CDH9: variants seen among roughly 807,000 people sequenced by gnomAD.
CDH9 encodes the protein cadherin 9, also known as cadherin-9.
In CDH9, 28 loss-of-function variants were observed where a neutral mutation model predicts 70.9. The ratio of observed to expected loss-of-function variants is 0.40; its 90% CI spans 0.29 to 0.54. The LOEUF (loss-of-function observed/expected upper bound fraction) is 0.54. Ranked by LOEUF, CDH9 falls within the 20% of genes least tolerant of loss-of-function variation. The pLI, the probability that CDH9 is intolerant of heterozygous loss-of-function variation, is 0.59. For missense variants in CDH9, 874 were observed against 984.4 expected (o/e 0.89, Z 1.50); for synonymous variants, 409 against 343.1 (o/e 1.19, Z -2.12).
chr5:26,994,445 G>A (rs974489022), intron 1 of CDH9, among the ~76,000 whole-genome samples: 7 of 152,144 alleles, frequency 4.6e-5, no homozygotes, highest in Non-Finnish European at 2.9e-5. Flanking sequence ...TAGATCATGA[G>A]AGTGGAGTCT....
intron 1 of CDH9, among the ~76,000 whole-genome samples, chr5:26,998,581 G>C (rs1162690112): frequency 1.3e-5 from 2 of 152,072 alleles, no homozygotes; most frequent in Admixed American, 1.3e-4. Flanking sequence ...GGTCTGTTGT[G>C]GGGTGGGGAG....
At chr5:26,915,494 A>G in intron 3 of CDH9, 136 bp downstream of exon 3, 1 of 569,420 alleles carries the variant, frequency 1.8e-6, no homozygotes, top group East Asian at 2.8e-5. Context: ...TAGAAGAGCT[A>G]GTTTAAGCTA....
chr5:26,925,936 G>A (rs1452535956), intron 2 of CDH9, among the ~76,000 whole-genome samples: 2 of 151,978 alleles, frequency 1.3e-5, no homozygotes, highest in African/African-American at 4.8e-5. Context: ...TTGATGGAAC[G>A]TATCTCAAAA....
intron 2 of CDH9, among the ~76,000 whole-genome samples, chr5:26,980,375 C>T (rs1294395435): frequency 1.3e-5 from 2 of 151,800 alleles, no homozygotes; most frequent in South Asian, 2.1e-4. Flanking sequence ...GAAATTCTGG[C>T]TACGAATTAG....
In CDH9 at chr5:26,902,579, T is replaced by G. The variant is rs760457024; in HGVS notation, c.1150A>C (p.Thr384Pro). The change falls in exon 7 of 12, where the codon ACT (threonine) becomes CCT (proline). Residue 384 changes from threonine (T) to proline (P), a missense_variant. Coordinates refer to ENST00000231021, the MANE Select transcript of CDH9 (RefSeq NM_016279.4). ...ACTTCTATCAAGTAAGAGACTTTAG[T>G]GAACACAGGAGGCTCATCTATATCT... ...VEDIDEPPVF[T>P]KVSYLIEVDE... 1 of 1,599,338 alleles carries G rather than the reference T, an allele frequency of 6.3e-7. No individual in the cohort carries two copies. The highest frequency in any genetic ancestry group is 8.6e-7 in the Non-Finnish European group (1 of 1,166,904).
In CDH9 at chr5:26,906,759, TA is replaced by T; in HGVS notation, c.602del (p.Ile201AsnfsTer16). ...CTGAAAAATATGGCTGTCCTTGCAA[TA>T]TGCTATAGACCACTTTGGCACTATT... is the stretch of plus-strand genomic sequence containing the variant. ...YGNSAKVVYS[I>X]LQGQPYFSVD... On this transcript the variant is annotated frameshift_variant, in exon 4 of 12. Transcript: ENST00000231021. LOFTEE classifies it high-confidence loss of function. 1 of 1,613,302 alleles carries T rather than the reference TA, an allele frequency of 6.2e-7. No individual in the cohort carries two copies. Among genetic ancestry groups the T allele is most frequent in the Non-Finnish European group, 8.5e-7 (1 of 1,179,594 alleles).
chr5:26,978,098 T>C (rs114724102), intron 2 of CDH9, among the ~76,000 whole-genome samples: 1 of 152,058 alleles, frequency 6.6e-6, no homozygotes, highest in Non-Finnish European at 1.5e-5. Context: ...ATAGAATTTC[T>C]GTAATGTGTT....
intron 1 of CDH9, among the ~76,000 whole-genome samples, chr5:27,031,857 A>G (rs1290043408): frequency 2.0e-5 from 3 of 151,896 alleles, no homozygotes; most frequent in Non-Finnish European, 4.4e-5. Context: ...TTGGGTATAA[A>G]TGCTTATGAA....
chr5:26,991,809 T>C (rs1391122753), intron 1 of CDH9, among the ~76,000 whole-genome samples: 3 of 152,152 alleles, frequency 2.0e-5, no homozygotes, highest in African/African-American at 7.2e-5. Flanking sequence ...GTCATTTATA[T>C]CAGGAGAAAA....
intron 1 of CDH9, among the ~76,000 whole-genome samples, chr5:26,999,026 C>T (rs1579504093): frequency 6.6e-6 from 1 of 152,174 alleles, no homozygotes; most frequent in East Asian, 1.9e-4. Flanking sequence ...GTGGGCAGAT[C>T]AAGAGGCCAG....
intron 4 of CDH9, 124 bp from the exon 5 acceptor site, chr5:26,906,250 T>C (rs1216050070): frequency 5.6e-6 from 4 of 719,566 alleles, no homozygotes; most frequent in Non-Finnish European, 9.1e-6. Flanking sequence ...TTTAAATATG[T>C]CCTTCAATCC....
At chr5:26,993,138 G>C (rs77901099) in intron 1 of CDH9, among the ~76,000 whole-genome samples, 1 of 151,386 alleles carries the variant, frequency 6.6e-6, no homozygotes, top group African/African-American at 2.4e-5. Flanking sequence ...AAGTAACATG[G>C]AACAGAACGT....
chr5:27,038,309 A>T (rs892933583), intron 1 of CDH9, among the ~76,000 whole-genome samples, 154 bp downstream of exon 1: 3 of 151,882 alleles, frequency 2.0e-5, no homozygotes, highest in Admixed American at 2.0e-4. Flanking sequence ...CTCAAATACT[A>T]CTAAAATGTA....
intron 2 of CDH9, among the ~76,000 whole-genome samples, chr5:26,926,926 C>CT (rs1554037341): frequency 2.1e-5 from 3 of 143,712 alleles, no homozygotes; most frequent in South Asian, 4.7e-4. Flanking sequence ...AGCCCCCCCC[C>CT]GCAAAAAAAA....
chr5:26,921,414 TGG>T (rs1190602778), intron 2 of CDH9, among the ~76,000 whole-genome samples: 5 of 152,156 alleles, frequency 3.3e-5, no homozygotes, highest in Admixed American at 3.3e-4. Flanking sequence ...ATGCAGCCAT[TGG>T]GTAGAATTTG....
rs141394776 is a variant in CDH9, at chr5:26,954,384, C to CTTTTTTTTTTTTTTTTTTTT, written c.228+33721_228+33722insAAAAAAAAAAAAAAAAAAAA. 3.3e-4 allele frequency among the ~76,000 whole-genome samples: 6 copies of CTTTTTTTTTTTTTTTTTTTT among 18,344 alleles called. 1 individual carries two copies. The highest frequency in any genetic ancestry group is 7.8e-4 in the African/African-American group (6 of 7,722). The allele number at this position is 18,344 out of a possible 152,430, so 12.0% of individuals were successfully genotyped here. On this transcript the variant is annotated intron_variant, in intron 2 of 11. Transcript: ENST00000231021. Reference sequence around the variant, plus strand: ...TTAAAGCTTTTCGCTATTATACAGCCTTTCTTTTTTTTTTTTTTGAGACAT... The same window carrying CTTTTTTTTTTTTTTTTTTTT: ...TTAAAGCTTTTCGCTATTATACAGCCTTTTTTTTTTTTTTTTTTTTTTTCTTTTTTTTTTTTTTGAGACAT...
At chr5:27,018,933 G>A (rs1743090613) in intron 1 of CDH9, among the ~76,000 whole-genome samples, 2 of 151,906 alleles carry the variant, frequency 1.3e-5, no homozygotes, top group Non-Finnish European at 2.9e-5. Context: ...CAGGCTTTGT[G>A]TTCCCTACAT....
intron 1 of CDH9, among the ~76,000 whole-genome samples, chr5:27,013,417 A>G (rs551243459): frequency 2.0e-5 from 3 of 152,094 alleles, no homozygotes; most frequent in Non-Finnish European, 4.4e-5. Flanking sequence ...TTTATCTTTT[A>G]ACATACTCTA....
chr5:26,941,152 A>G (rs1011857353), intron 2 of CDH9, among the ~76,000 whole-genome samples: 2 of 152,228 alleles, frequency 1.3e-5, no homozygotes, highest in African/African-American at 4.8e-5. Context: ...TTAATGCCAC[A>G]TCATTGGATT....
Sources: gnomAD v4.1 joint callset for allele counts (sites outside exome capture counted in the v4.1 genomes callset) on GRCh38, gnomAD v4.1.1 for gene constraint, MANE v1.5 for transcripts, NCBI Gene and HGNC (gene_info 2026-07-23, HGNC 2026-07-21) for gene names.